Variants in NUP62CL observed in about 807,000 individuals in gnomAD.
NUP62CL encodes nucleoporin 62 C-terminal like.
In NUP62CL, 13 loss-of-function variants were observed where a neutral mutation model predicts 15.3. That is an observed-to-expected ratio of 0.85 (90% CI 0.55 to 1.35). NUP62CL has a LOEUF of 1.35. Ranked by LOEUF, NUP62CL falls within the 40% of genes most tolerant of loss-of-function variation. The pLI is 0.00. For missense variants in NUP62CL, 123 were observed against 130.6 expected, an observed-to-expected ratio of 0.94 and a Z score of 0.28; for synonymous variants, 54 against 49.2, an observed-to-expected ratio of 1.10 and a Z score of -0.41.
In NUP62CL at chrX:107,204,011, T is replaced by C. The variant is rs559188194; in HGVS notation, c.-92+2262A>G. ...ATCTCTCAGGTTTCATTATTTTTTTTCCCTTTAAAAAAACCTTTATTTCAC... is the reference window on the plus strand; with the variant it reads ...ATCTCTCAGGTTTCATTATTTTTTTCCCCTTTAAAAAAACCTTTATTTCAC... On this transcript the variant is annotated intron_variant, in intron 1 of 8. Coordinates refer to ENST00000372466, the MANE Select transcript of NUP62CL (RefSeq NM_017681.3). 9.5e-4 allele frequency among the ~76,000 whole-genome samples: 106 copies of C among 111,905 alleles called. No individual in the cohort carries two copies. In the Middle Eastern group the frequency reaches 0.018, roughly 19 times the overall value.
At position 107,175,097 on chromosome X, in the gene NUP62CL, C is replaced by T; in HGVS notation, c.50G>A (p.Gly17Glu). The T allele has an allele frequency of 8.3e-7, 1 of 1,199,637 alleles. No homozygotes were observed. The highest frequency in any genetic ancestry group is 3.0e-5 in the East Asian group (1 of 33,695). Reference sequence around the variant, plus strand: ...TAGAATTAGTAACTTACATGAGAGCCCAATAGCAGCAGTGGAGGTCAAAGA... The same window carrying T: ...TAGAATTAGTAACTTACATGAGAGCTCAATAGCAGCAGTGGAGGTCAAAGA... ...SNSLTSTAAI[G>E]LSFTTSTTTT... Residue 17 changes from glycine to glutamate, a missense_variant, in exon 3 of 9, where the codon GGG (glycine) becomes GAG (glutamate). Gly to Glu is a moderately conservative substitution (Grantham distance 98, BLOSUM62 -2). Transcript: ENST00000372466.
intron 2 of NUP62CL, among the ~76,000 whole-genome samples, chrX:107,192,127 C>A (rs1287567159): frequency 8.9e-6 from 1 of 111,813 alleles, no homozygotes; most frequent in Non-Finnish European, 1.9e-5. Flanking sequence ...CTTTAAAATT[C>A]TGAGATGCAT....
chrX:107,162,332 G>A (rs1264283871), intron 4 of NUP62CL, among the ~76,000 whole-genome samples: 1 of 111,039 alleles, frequency 9.0e-6, no homozygotes, highest in Non-Finnish European at 1.9e-5. Context: ...AAAAAAGATT[G>A]AAAACTCTCA....
At position 107,147,682 on chromosome X, in the gene NUP62CL, A is replaced by T. The variant is rs776243239; in HGVS notation, c.*42+61T>A. The T allele has an allele frequency of 3.2e-4, 224 of 693,559 alleles. No homozygotes were observed. In the South Asian group the frequency reaches 4.8e-3, roughly 15 times the overall value. The allele number at this position is 693,559 out of a possible 1,213,427, so 57.2% of individuals were successfully genotyped here. A position where few individuals can be genotyped will look rare whatever the true frequency, so the allele number is the denominator to read the frequency against. ...AGTTTGGTCATGGAGCATACAACTG[A>T]CATGTATCACGTTTTCTACTTGCAA... is the stretch of plus-strand genomic sequence containing the variant. On this transcript the variant is annotated intron_variant, in intron 8 of 8. Coordinates refer to ENST00000372466, the MANE Select transcript of NUP62CL (RefSeq NM_017681.3).
intron 2 of NUP62CL, among the ~76,000 whole-genome samples, chrX:107,186,695 C>T (rs911662485): frequency 8.1e-5 from 9 of 111,253 alleles, no homozygotes; most frequent in African/African-American, 2.9e-4. Flanking sequence ...GTCAGGAGTT[C>T]GAGACCAGTC....
intron 7 of NUP62CL, 92 bp downstream of exon 7, chrX:107,153,080 G>T: frequency 1.2e-6 from 1 of 826,418 alleles, no homozygotes; most frequent in Non-Finnish European, 1.6e-6. Context: ...TGTATTCCTT[G>T]CCTTCCAATT....
chrX:107,146,675 T>C (rs749139949), intron 8 of NUP62CL, among the ~76,000 whole-genome samples: 9 of 111,510 alleles, frequency 8.1e-5, no homozygotes, highest in Non-Finnish European at 1.3e-4. Flanking sequence ...ATTCATGAGA[T>C]TTTATTTTCC....
intron 4 of NUP62CL, among the ~76,000 whole-genome samples, chrX:107,157,842 TAA>T (rs1268619001): frequency 1.8e-5 from 2 of 110,804 alleles, no homozygotes; most frequent in Admixed American, 9.6e-5. Flanking sequence ...GCAAATTGGA[TAA>T]AGAGTCAAGA....
At chrX:107,156,091 C>T (rs1013850408) in intron 4 of NUP62CL, among the ~76,000 whole-genome samples, 1 of 110,488 alleles carries the variant, frequency 9.1e-6, no homozygotes, top group Non-Finnish European at 1.9e-5. Context: ...AAACGGCGCA[C>T]GACGAGACTA....
chrX:107,125,063 C>T (rs1208153381), intron 8 of NUP62CL, among the ~76,000 whole-genome samples: 1 of 111,482 alleles, frequency 9.0e-6, no homozygotes. Flanking sequence ...GTTCACTATA[C>T]GTGAATTTTC....
At chrX:107,154,514 G>GC (rs1602644843) in intron 4 of NUP62CL, among the ~76,000 whole-genome samples, 1 of 111,832 alleles carries the variant, frequency 8.9e-6, no homozygotes, top group Non-Finnish European at 1.9e-5. Context: ...TAAAGTCTGT[G>GC]CCATAATCTG....
At chrX:107,165,202 G>A (rs766483325) in intron 4 of NUP62CL, among the ~76,000 whole-genome samples, 4 of 110,504 alleles carry the variant, frequency 3.6e-5, no homozygotes, top group South Asian at 7.7e-4. Flanking sequence ...AGGAGGCCTC[G>A]GCTGAGGCAG....
In NUP62CL at chrX:107,124,220, T is replaced by G. The variant is rs1016762124; in HGVS notation, c.*155A>C. On this transcript the variant is annotated 3_prime_UTR_variant, in exon 9 of 9. Transcript: ENST00000372466. ...TGTAGGTAATAATCCAGAAACGACA[T>G]GCTGAAGATATGGTCATTCACTAAA... is the stretch of plus-strand genomic sequence containing the variant. 3 of 334,558 alleles carry G rather than the reference T, an allele frequency of 9.0e-6. No individual in the cohort carries two copies. Among genetic ancestry groups the G allele is most frequent in the African/African-American group, 8.0e-5 (3 of 37,493 alleles). The allele number at this position is 334,558 out of a possible 1,213,427, so 27.6% of individuals were successfully genotyped here.
intron 1 of NUP62CL, among the ~76,000 whole-genome samples, chrX:107,196,154 A>G (rs919046251): frequency 8.9e-6 from 1 of 111,826 alleles, no homozygotes; most frequent in African/African-American, 3.2e-5. Flanking sequence ...AATGTAGCAC[A>G]TAACTTTAAT....
chrX:107,149,544 AAAG>A (rs1925961935), intron 7 of NUP62CL, among the ~76,000 whole-genome samples: 1 of 112,059 alleles, frequency 8.9e-6, no homozygotes, highest in South Asian at 3.7e-4. Context: ...CATTTTGCAA[AAAG>A]AAGGAGCCAA....
At chrX:107,129,451 T>A (rs1925461619) in intron 8 of NUP62CL, among the ~76,000 whole-genome samples, 1 of 111,575 alleles carries the variant, frequency 9.0e-6, no homozygotes, top group South Asian at 3.8e-4. Flanking sequence ...GGGAATTAAG[T>A]CAAAGTTATA....
chrX:107,167,831 T>C (rs756171378), intron 3 of NUP62CL, 47 bp from the exon 4 acceptor site: 23 of 1,123,055 alleles, frequency 2.0e-5, no homozygotes. Context: ...GAAATTTGTT[T>C]CATTTAAGCC....
intron 3 of NUP62CL, 57 bp from the exon 4 acceptor site, chrX:107,167,841 C>G (rs1926554322): frequency 5.7e-6 from 6 of 1,060,460 alleles, no homozygotes; most frequent in Non-Finnish European, 7.6e-6. Context: ...TCATTTAAGC[C>G]TTGATCATTC....
At chrX:107,192,674 C>G (rs953655447) in intron 2 of NUP62CL, among the ~76,000 whole-genome samples, 3 of 112,185 alleles carry the variant, frequency 2.7e-5, no homozygotes, top group Non-Finnish European at 3.8e-5. Flanking sequence ...AACCACTGCG[C>G]CAGGCCAGAA....
Sources: gnomAD v4.1 joint callset for allele counts (sites outside exome capture counted in the v4.1 genomes callset) on GRCh38, gnomAD v4.1.1 for gene constraint, MANE v1.5 for transcripts, NCBI Gene and HGNC (gene_info 2026-07-23, HGNC 2026-07-21) for gene names.